GPM6A: variants seen among roughly 807,000 people sequenced by gnomAD.
GPM6A encodes neuronal membrane glycoprotein M6-a.
In GPM6A, 7 loss-of-function variants were observed where a neutral mutation model predicts 32.1. The ratio of observed to expected loss-of-function variants is 0.22; its 90% CI spans 0.12 to 0.41. GPM6A has a LOEUF of 0.41. Ranked by LOEUF, GPM6A falls within the 10% of genes least tolerant of loss-of-function variation. GPM6A has a pLI of 1.00. For synonymous variants in GPM6A, 130 were observed against 123.4 expected (o/e 1.05, Z -0.35); for missense variants, 235 against 347.2 (o/e 0.68, Z 2.57).
chr4:175,661,220 T>C (rs906018899), intron 3 of GPM6A, among the ~76,000 whole-genome samples: 2 of 152,054 alleles, frequency 1.3e-5, no homozygotes, highest in Non-Finnish European at 2.9e-5. Context: ...CCAGTATGCA[T>C]TCCTTGACGG....
At chr4:175,985,597 G>T (rs997225899) in intron 1 of GPM6A, among the ~76,000 whole-genome samples, 1 of 152,090 alleles carries the variant, frequency 6.6e-6, no homozygotes, top group African/African-American at 2.4e-5. Flanking sequence ...AGTCAGCGCT[G>T]AATAGCAATG....
Position 175,945,935 on chromosome 4 carries a change from G to C in GPM6A, c.-23+56374C>G, listed in dbSNP as rs1031059321. On this transcript the variant is annotated intron_variant, in intron 1 of 7. Transcript: ENST00000280187. ...ACGGGTGCATATTACTTATAACTAA[G>C]TAATACGGGTGCATATTACTTAGTT... Among the ~76,000 whole-genome samples, 8 of 151,848 alleles carry C rather than the reference G, an allele frequency of 5.3e-5. No homozygotes were observed. The East Asian group carries it at 7.8e-4, about 15-fold the overall frequency.
At chr4:175,644,210 G>T (rs111745859) in intron 4 of GPM6A, among the ~76,000 whole-genome samples, 1 of 134,930 alleles carries the variant, frequency 7.4e-6, no homozygotes, top group East Asian at 2.6e-4. Flanking sequence ...TGCAAGCTCC[G>T]CTTCCCGGGT....
chr4:175,671,540 G>A (rs777374588), intron 3 of GPM6A, among the ~76,000 whole-genome samples: 1 of 141,396 alleles, frequency 7.1e-6, no homozygotes, highest in Non-Finnish European at 1.5e-5. Context: ...AGTAGCAGGA[G>A]AGGGTGGACG....
At chr4:175,726,249 T>C (rs571152019) in intron 1 of GPM6A, among the ~76,000 whole-genome samples, 7 of 152,144 alleles carry the variant, frequency 4.6e-5, no homozygotes, top group African/African-American at 1.7e-4. Context: ...TCTGCCCTCC[T>C]CGGCCTCCCA....
intron 1 of GPM6A, among the ~76,000 whole-genome samples, chr4:175,862,936 A>G (rs1486140449): frequency 6.6e-6 from 1 of 152,120 alleles, no homozygotes; most frequent in African/African-American, 2.4e-5. Flanking sequence ...CGCACCATGA[A>G]TATCAGCATG....
intron 1 of GPM6A, among the ~76,000 whole-genome samples, chr4:175,706,291 CATTG>C (rs1419758629): frequency 6.6e-6 from 1 of 152,134 alleles, no homozygotes; most frequent in African/African-American, 2.4e-5. Flanking sequence ...TTTAAAAAGA[CATTG>C]ATTAATTTAT....
intron 6 of GPM6A, 127 bp from the exon 7 acceptor site, chr4:175,635,184 A>C: frequency 1.4e-6 from 1 of 692,222 alleles, no homozygotes; most frequent in Non-Finnish European, 2.4e-6. Context: ...AATGGAAACA[A>C]AATTTCTTTG....
intron 1 of GPM6A, among the ~76,000 whole-genome samples, chr4:175,835,093 G>A (rs979838110): frequency 2.0e-5 from 3 of 152,254 alleles, no homozygotes; most frequent in East Asian, 1.9e-4. Flanking sequence ...TATCTTGGGC[G>A]CTTGTTAAAA....
chr4:175,750,416 G>A (rs1732284419), intron 1 of GPM6A, among the ~76,000 whole-genome samples: 1 of 152,154 alleles, frequency 6.6e-6, no homozygotes, highest in Non-Finnish European at 1.5e-5. Flanking sequence ...GGGTAATGAT[G>A]TCTAGGGGCC....
chr4:175,764,846 C>CATTATT (rs56700410), intron 1 of GPM6A, among the ~76,000 whole-genome samples: 17,268 of 140,360 alleles, frequency 0.12, 1,133 homozygotes, highest in Non-Finnish European at 0.14. Context: ...AACCCAAAGG[C>CATTATT]ATTATTATTA....
chr4:175,693,026 A>G (rs1326029939), intron 2 of GPM6A, among the ~76,000 whole-genome samples: 1 of 151,720 alleles, frequency 6.6e-6, no homozygotes, highest in Non-Finnish European at 1.5e-5. Context: ...GAAACCTATA[A>G]CTCTGTTAAA....
At chr4:175,897,674 T>C (rs1165352615) in intron 1 of GPM6A, among the ~76,000 whole-genome samples, 1 of 152,204 alleles carries the variant, frequency 6.6e-6, no homozygotes, top group Non-Finnish European at 1.5e-5. Flanking sequence ...TAGGGAGGCA[T>C]GCACTTGAGA....
intron 2 of GPM6A, among the ~76,000 whole-genome samples, chr4:175,682,507 A>G (rs1274725982): frequency 1.3e-5 from 2 of 152,222 alleles, no homozygotes; most frequent in Non-Finnish European, 2.9e-5. Context: ...ACAATGGAGA[A>G]CAGGCCTTGA....
chr4:175,818,194 C>T (rs1325099022), intron 1 of GPM6A, among the ~76,000 whole-genome samples: 5 of 152,152 alleles, frequency 3.3e-5, no homozygotes, highest in Non-Finnish European at 4.4e-5. Flanking sequence ...TTCGGCATAA[C>T]GTCCCCCTGC....
At chr4:175,909,028 C>G (rs1223873807) in intron 1 of GPM6A, among the ~76,000 whole-genome samples, 1 of 61,870 alleles carries the variant, frequency 1.6e-5, no homozygotes, top group South Asian at 6.8e-4. Flanking sequence ...TAGAGGCAGA[C>G]AAAAAAAAAA....
intron 1 of GPM6A, chr4:175,787,261 A>G: frequency 2.3e-6 from 2 of 857,930 alleles, no homozygotes; most frequent in East Asian, 5.3e-5. Flanking sequence ...GGCATGCACT[A>G]CAGAGATAAA....
chr4:175,895,222 GTGATCCATTTTGCTCTGTTTGGTAAGC>G (rs1295735934), intron 1 of GPM6A, among the ~76,000 whole-genome samples: 25 of 152,084 alleles, frequency 1.6e-4, no homozygotes, highest in Non-Finnish European at 3.4e-4. Flanking sequence ...TTTTAAATAT[GTGATCCATTTTGCTCTGTTTGGTAAGC>G]TTCTATAAGG....
chr4:175,953,127 T>C (rs1739872571), intron 1 of GPM6A, among the ~76,000 whole-genome samples: 1 of 151,690 alleles, frequency 6.6e-6, no homozygotes, highest in Non-Finnish European at 1.5e-5. Context: ...GATTCAAGAA[T>C]AGAGCATGCA....
Sources: gnomAD v4.1 joint callset for allele counts (sites outside exome capture counted in the v4.1 genomes callset) on GRCh38, gnomAD v4.1.1 for gene constraint, MANE v1.5 for transcripts, NCBI Gene and HGNC (gene_info 2026-07-23, HGNC 2026-07-21) for gene names.